The following RBFOX1 variants were observed in gnomAD, a reference collection of about 807,000 sequenced individuals.
RBFOX1 encodes RNA binding fox-1 homolog 1.
A neutral mutation model predicts 57.7 loss-of-function variants in RBFOX1; 8 were observed. The observed-to-expected ratio is 0.14, with a 90% CI of 0.08 to 0.25. The LOEUF (loss-of-function observed/expected upper bound fraction) is 0.25. RBFOX1 is among the 10% of genes least tolerant of loss of function. The probability of loss-of-function intolerance (pLI) is 1.00; values close to 1 mark genes in which losing one functional copy is unlikely to be tolerated. For synonymous variants in RBFOX1, 326 were observed against 222.4 expected, an observed-to-expected ratio of 1.47 and a Z score of -4.15; for missense variants, 611 against 548.5, an observed-to-expected ratio of 1.11 and a Z score of -1.14.
intron 2 of RBFOX1, among the ~76,000 whole-genome samples, chr16:5,509,656 C>G (rs1003201454): frequency 2.6e-5 from 4 of 152,166 alleles, no homozygotes; most frequent in African/African-American, 9.7e-5. Flanking sequence ...TATCACCACG[C>G]AGACAGTGGA....
intron 12 of RBFOX1, 80 bp downstream of exon 12, chr16:7,654,027 T>G (rs1467734432): frequency 1.4e-6 from 2 of 1,399,762 alleles, no homozygotes; most frequent in East Asian, 5.2e-5. Context: ...TGCGAGCGCA[T>G]GATGGTCTTG....
intron 4 of RBFOX1, among the ~76,000 whole-genome samples, chr16:7,386,863 A>G (rs530038531): frequency 1.2e-3 from 187 of 152,182 alleles, no homozygotes; most frequent in Middle Eastern, 3.4e-3. Flanking sequence ...AAGTGTTCCT[A>G]TTTCTCCACA....
chr16:7,081,980 C>T (rs1427345648), intron 4 of RBFOX1, among the ~76,000 whole-genome samples: 6 of 152,096 alleles, frequency 3.9e-5, no homozygotes, highest in Non-Finnish European at 8.8e-5. Flanking sequence ...CCACAGAGAT[C>T]ACAACTGGAA....
At chr16:7,509,370 TG>T (rs1187731597) in intron 4 of RBFOX1, among the ~76,000 whole-genome samples, 1 of 151,400 alleles carries the variant, frequency 6.6e-6, no homozygotes, top group African/African-American at 2.4e-5. Flanking sequence ...GTTTACATAA[TG>T]TGTACTAGGA....
intron 3 of RBFOX1, among the ~76,000 whole-genome samples, chr16:6,707,269 C>G (rs1056976206): frequency 1.3e-5 from 2 of 152,188 alleles, no homozygotes; most frequent in African/African-American, 4.8e-5. Flanking sequence ...TTGGGAGCTG[C>G]TGATCTGTGT....
intron 2 of RBFOX1, among the ~76,000 whole-genome samples, chr16:6,514,680 C>T (rs929925467): frequency 6.6e-6 from 1 of 151,808 alleles, no homozygotes; most frequent in Non-Finnish European, 1.5e-5. Flanking sequence ...AATGGTGTCT[C>T]CTGAAGTGTT....
intron 4 of RBFOX1, among the ~76,000 whole-genome samples, chr16:7,203,416 A>G (rs1027379446): frequency 6.6e-6 from 1 of 152,224 alleles, no homozygotes; most frequent in African/African-American, 2.4e-5. Context: ...TAATGGGTAC[A>G]CAGTTTCAGT....
intron 3 of RBFOX1, among the ~76,000 whole-genome samples, chr16:6,706,768 G>A (rs564418104): frequency 6.7e-6 from 1 of 149,972 alleles, no homozygotes. Flanking sequence ...CAAGACATAC[G>A]GCCAGAGCTG....
At chr16:6,792,672 T>G (rs1432224963) in intron 3 of RBFOX1, among the ~76,000 whole-genome samples, 1 of 152,004 alleles carries the variant, frequency 6.6e-6, no homozygotes, top group Non-Finnish European at 1.5e-5. Flanking sequence ...TCATTTCTGG[T>G]TTTCATGTCT....
At chr16:7,497,411 C>T (rs545379430) in intron 4 of RBFOX1, among the ~76,000 whole-genome samples, 2 of 152,246 alleles carry the variant, frequency 1.3e-5, no homozygotes, top group East Asian at 1.9e-4. Context: ...GCATTTGATA[C>T]CTCCTGTCTC....
intron 4 of RBFOX1, among the ~76,000 whole-genome samples, chr16:7,395,897 G>A (rs1011156073): frequency 6.6e-6 from 1 of 152,144 alleles, no homozygotes; most frequent in African/African-American, 2.4e-5. Context: ...GTTTGTAATA[G>A]AGAAGAGTAA....
At chr16:5,518,480 A>T (rs966528411) in intron 2 of RBFOX1, among the ~76,000 whole-genome samples, 2 of 152,238 alleles carry the variant, frequency 1.3e-5, no homozygotes, top group African/African-American at 4.8e-5. Flanking sequence ...ATACAACCAT[A>T]TGTGCTCAAG....
At chr16:7,703,915 G>A (rs1004333167) in intron 14 of RBFOX1, among the ~76,000 whole-genome samples, 3 of 152,204 alleles carry the variant, frequency 2.0e-5, no homozygotes, top group African/African-American at 4.8e-5. Flanking sequence ...AATTGCCTCT[G>A]CAGACCAAAA....
intron 2 of RBFOX1, among the ~76,000 whole-genome samples, chr16:6,505,292 T>C (rs2096060745): frequency 6.6e-6 from 1 of 152,102 alleles, no homozygotes; most frequent in Admixed American, 6.6e-5. Context: ...AGACATTCAT[T>C]TTCACCCTGA....
chr16:5,526,021 G>C (rs971853864), intron 2 of RBFOX1, among the ~76,000 whole-genome samples: 2 of 125,626 alleles, frequency 1.6e-5, no homozygotes, highest in African/African-American at 9.5e-5. Flanking sequence ...TGTGGTCCCA[G>C]GGGGCGGACG....
intron 2 of RBFOX1, among the ~76,000 whole-genome samples, chr16:5,565,341 C>T (rs1354396833): frequency 2.0e-5 from 3 of 152,126 alleles, no homozygotes; most frequent in African/African-American, 7.2e-5. Context: ...ATTTGCAAGT[C>T]ATGGCCGGGC....
chr16:7,182,265 A>G (rs1281861860), intron 4 of RBFOX1, among the ~76,000 whole-genome samples: 1 of 152,106 alleles, frequency 6.6e-6, no homozygotes, highest in Non-Finnish European at 1.5e-5. Context: ...GTAAACAGTG[A>G]TGCTCCTCTA....
At chr16:5,651,372 C>T (rs1338372077) in intron 3 of RBFOX1, among the ~76,000 whole-genome samples, 1 of 152,080 alleles carries the variant, frequency 6.6e-6, no homozygotes, top group Admixed American at 6.5e-5. Flanking sequence ...GCTTCTTGCA[C>T]AGCCATTCCT....
chr16:6,508,062 A>T (rs769405867), intron 2 of RBFOX1, among the ~76,000 whole-genome samples: 1 of 152,248 alleles, frequency 6.6e-6, no homozygotes, highest in Non-Finnish European at 1.5e-5. Flanking sequence ...TGTCCTTTGC[A>T]GGGACATGAA....
Sources: gnomAD v4.1 joint callset for allele counts (sites outside exome capture counted in the v4.1 genomes callset) on GRCh38, gnomAD v4.1.1 for gene constraint, MANE v1.5 for transcripts, NCBI Gene and HGNC (gene_info 2026-07-23, HGNC 2026-07-21) for gene names.